Variants in KCND2 observed in about 807,000 individuals in gnomAD.
The protein encoded by KCND2 is A-type voltage-gated potassium channel KCND2.
Under a neutral mutation model 54.4 loss-of-function variants are expected in KCND2, and 16 were observed. That is an observed-to-expected ratio of 0.29 (90% CI 0.20 to 0.45). KCND2 has a LOEUF of 0.45. Ranked by LOEUF, KCND2 falls within the 20% of genes least tolerant of loss-of-function variation. KCND2 has a pLI of 1.00. For missense variants in KCND2, 486 were observed against 824.2 expected (o/e 0.59, Z 5.02); for synonymous variants, 317 against 310.7 (o/e 1.02, Z -0.21).
At chr7:120,273,072 A>C (rs1405455179), upstream of KCND2, among the ~76,000 whole-genome samples, 2 of 151,620 alleles carry the variant, frequency 1.3e-5, no homozygotes, top group Non-Finnish European at 2.9e-5. Flanking sequence ...CCTCGGTGAC[A>C]TTTTGCGCCG....
At chr7:120,661,292 A>T (rs1218027662) in intron 1 of KCND2, among the ~76,000 whole-genome samples, 5 of 152,196 alleles carry the variant, frequency 3.3e-5, no homozygotes, top group Non-Finnish European at 5.9e-5. Flanking sequence ...ACGCATCATT[A>T]GTCATGATTA....
In KCND2 at chr7:120,702,296, T is replaced by C. The variant is rs1310552603; in HGVS notation, c.1116-30607T>C. ...ACTAAAAAGTCAAAAACATAGCAGA[T>C]GTTTGTGAGGTTGCAGAAAAAAGGA... On this transcript the variant is annotated intron_variant, in intron 1 of 5. Transcript: ENST00000331113. Among the ~76,000 whole-genome samples the C allele has an allele frequency of 2.0e-5, 3 of 152,232 alleles. No individual in the cohort carries two copies. The East Asian group carries it at 5.8e-4, about 29-fold the overall frequency.
chr7:120,632,933 TTC>T (rs138760445), intron 1 of KCND2, among the ~76,000 whole-genome samples: 3 of 152,296 alleles, frequency 2.0e-5, no homozygotes, highest in African/African-American at 4.8e-5. Context: ...CTGGCCAGAA[TTC>T]TCTCTCATTA....
chr7:120,411,094 G>A (rs1264943142), intron 1 of KCND2, among the ~76,000 whole-genome samples: 2 of 151,964 alleles, frequency 1.3e-5, no homozygotes, highest in African/African-American at 4.8e-5. Flanking sequence ...AAAGTCTCAG[G>A]ATTCAAAATC....
intron 1 of KCND2, among the ~76,000 whole-genome samples, chr7:120,335,431 CTTGCT>C (rs1800133557): frequency 1.4e-5 from 2 of 143,618 alleles, no homozygotes; most frequent in Non-Finnish European, 3.0e-5. Flanking sequence ...TTGTCCATGG[CTTGCT>C]TTATTTATTT....
chr7:120,468,537 G>A (rs1584791530), intron 1 of KCND2, among the ~76,000 whole-genome samples: 1 of 152,144 alleles, frequency 6.6e-6, no homozygotes, highest in African/African-American at 2.4e-5. Flanking sequence ...ATTTATACTT[G>A]TGATATTCCT....
At chr7:120,429,746 A>G (rs1337425338) in intron 1 of KCND2, among the ~76,000 whole-genome samples, 1 of 152,246 alleles carries the variant, frequency 6.6e-6, no homozygotes, top group African/African-American at 2.4e-5. Context: ...TTTGTTGCCA[A>G]TGATAAAATT....
chr7:120,368,444 A>AT (rs1296873591), intron 1 of KCND2, among the ~76,000 whole-genome samples: 1 of 152,118 alleles, frequency 6.6e-6, no homozygotes, highest in African/African-American at 2.4e-5. Context: ...CTTTGTATAA[A>AT]TTTTAAAAAT....
At chr7:120,394,226 T>C (rs1200138895) in intron 1 of KCND2, among the ~76,000 whole-genome samples, 1 of 151,630 alleles carries the variant, frequency 6.6e-6, no homozygotes, top group Non-Finnish European at 1.5e-5. Context: ...GAAGTTCGGG[T>C]TTTTCAAGTA....
At chr7:120,388,463 A>G (rs577917234) in intron 1 of KCND2, among the ~76,000 whole-genome samples, 37 of 152,184 alleles carry the variant, frequency 2.4e-4, no homozygotes, top group Admixed American at 4.6e-4. Context: ...GTTTCTTCTT[A>G]GCAAACCAGA....
intron 1 of KCND2, among the ~76,000 whole-genome samples, chr7:120,281,684 T>G (rs1584710227): frequency 6.6e-6 from 1 of 152,256 alleles, no homozygotes; most frequent in Middle Eastern, 3.4e-3. Context: ...GCTTTTGAGG[T>G]TTGAGTGTAT....
chr7:120,504,294 CAG>C (rs1409750956), intron 1 of KCND2, among the ~76,000 whole-genome samples: 2 of 151,792 alleles, frequency 1.3e-5, no homozygotes, highest in South Asian at 2.1e-4. Context: ...TTTGAGTTAT[CAG>C]AGAGTCCCTT....
chr7:120,676,509 C>A (rs1792063511), intron 1 of KCND2, among the ~76,000 whole-genome samples: 1 of 152,056 alleles, frequency 6.6e-6, no homozygotes, highest in African/African-American at 2.4e-5. Context: ...AGTTTGGAAA[C>A]CTGTCTCGTA....
chr7:120,281,443 C>A (rs557079714), intron 1 of KCND2, among the ~76,000 whole-genome samples: 11 of 150,204 alleles, frequency 7.3e-5, no homozygotes, highest in African/African-American at 2.7e-4. Context: ...AAAAAAAAAA[C>A]CCCAGGGTGA....
chr7:120,372,579 T>C (rs1584751592), intron 1 of KCND2, among the ~76,000 whole-genome samples: 1 of 151,898 alleles, frequency 6.6e-6, no homozygotes, highest in Non-Finnish European at 1.5e-5. Context: ...AAAAACAAAC[T>C]TTGTATTGTA....
At chr7:120,616,795 G>T (rs1793031090) in intron 1 of KCND2, among the ~76,000 whole-genome samples, 1 of 152,108 alleles carries the variant, frequency 6.6e-6, no homozygotes, top group Non-Finnish European at 1.5e-5. Flanking sequence ...CATTTATCAG[G>T]ATGGGTGACA....
At position 120,400,884 on chromosome 7, in the gene KCND2, C is replaced by T. The variant is rs1048204119; in HGVS notation, c.1115+125137C>T. On this transcript the variant is annotated intron_variant, in intron 1 of 5. Transcript: ENST00000331113. ...ACTTCTTGATTCAGATAACCTTTAG[C>T]AAATCTTTGGGCAATTAAGTGTTAA... Among the ~76,000 whole-genome samples the T allele has an allele frequency of 5.3e-5, 8 of 151,490 alleles. No homozygotes were observed. In the East Asian group the frequency reaches 1.2e-3, roughly 22 times the overall value.
At chr7:120,523,204 A>G (rs1344584135) in intron 1 of KCND2, among the ~76,000 whole-genome samples, 5 of 152,134 alleles carry the variant, frequency 3.3e-5, no homozygotes, top group African/African-American at 1.2e-4. Context: ...CACTAACTTC[A>G]TTTCCTAGAA....
chr7:120,684,239 GC>G (rs1792174136), intron 1 of KCND2, among the ~76,000 whole-genome samples: 1 of 152,062 alleles, frequency 6.6e-6, no homozygotes, highest in Admixed American at 6.6e-5. Context: ...GTTCACGTTT[GC>G]TAAAATACAT....
Sources: gnomAD v4.1 joint callset for allele counts (sites outside exome capture counted in the v4.1 genomes callset) on GRCh38, gnomAD v4.1.1 for gene constraint, MANE v1.5 for transcripts, NCBI Gene and HGNC (gene_info 2026-07-23, HGNC 2026-07-21) for gene names.